Variants in CNTN5 observed in about 807,000 individuals in gnomAD.
CNTN5 encodes contactin 5.
A neutral mutation model predicts 129.1 loss-of-function variants in CNTN5; 77 were observed. The ratio of observed to expected loss-of-function variants is 0.60; its 90% CI spans 0.50 to 0.72. CNTN5 has a LOEUF of 0.72. CNTN5 is among the 30% of genes least tolerant of loss of function. The pLI, the probability that CNTN5 is intolerant of heterozygous loss-of-function variation, is 0.00. For synonymous variants in CNTN5, 509 were observed against 465.6 expected (o/e 1.09, Z -1.20); for missense variants, 1,478 against 1,328.8 (o/e 1.11, Z -1.75).
chr11:99,457,804 AT>A (rs939288825), intron 2 of CNTN5, among the ~76,000 whole-genome samples: 9 of 151,480 alleles, frequency 5.9e-5, no homozygotes, highest in African/African-American at 2.2e-4. Flanking sequence ...ACTTTTATGT[AT>A]TTTTTTTAAA....
intron 1 of CNTN5, among the ~76,000 whole-genome samples, chr11:99,227,188 G>C: frequency 6.6e-6 from 1 of 151,692 alleles, no homozygotes; most frequent in East Asian, 1.9e-4. Context: ...GTGAAACCCC[G>C]TCTGTACTAA....
intron 3 of CNTN5, among the ~76,000 whole-genome samples, chr11:99,666,594 T>A (rs1006104294): frequency 6.6e-6 from 1 of 152,204 alleles, no homozygotes; most frequent in Admixed American, 6.5e-5. Flanking sequence ...AGAAGGATGT[T>A]GACAAGCTCC....
At position 100,187,706 on chromosome 11, in the gene CNTN5, T is replaced by C. The variant is rs2138485847; in HGVS notation, c.1581-3420T>C. Among the ~76,000 whole-genome samples the C allele has an allele frequency of 2.0e-5, 3 of 152,222 alleles. No individual in the cohort carries two copies. The South Asian group carries it at 6.2e-4, about 32-fold the overall frequency. On this transcript the variant is annotated intron_variant, in intron 13 of 24. Coordinates refer to ENST00000524871, the MANE Select transcript of CNTN5 (RefSeq NM_014361.4). ...AATGAGGAAAGGACTTCTTGGTCAA[T>C]AAATGGTGTTGGGATCGCTGACAAG... is the stretch of plus-strand genomic sequence containing the variant.
intron 2 of CNTN5, among the ~76,000 whole-genome samples, chr11:99,399,639 G>T (rs34159492): frequency 0.24 from 36,249 of 151,252 alleles, 5,108 homozygotes; most frequent in Middle Eastern, 0.33. Flanking sequence ...GTGGAACAGT[G>T]GTGGAAATAT....
rs147915383 is a variant in CNTN5, at chr11:99,500,258, G to T, written c.-70-55887G>T. On this transcript the variant is annotated intron_variant, in intron 2 of 24. Transcript: ENST00000524871. ...CAAAATCCTGAGAGTTTGTTTATAT[G>T]CAGTGATAGTAACTCAAAGCATTTG... is the stretch of plus-strand genomic sequence containing the variant. 4.5e-4 allele frequency among the ~76,000 whole-genome samples: 68 copies of T among 152,222 alleles called. 2 individuals are homozygous for T. The East Asian group carries it at 0.011, about 25-fold the overall frequency.
intron 3 of CNTN5, among the ~76,000 whole-genome samples, chr11:99,731,760 G>A (rs1341481598): frequency 1.3e-5 from 2 of 152,100 alleles, no homozygotes; most frequent in African/African-American, 2.4e-5. Context: ...TAGAGTAGAT[G>A]CCTTAGAACT....
At chr11:99,686,102 T>C (rs553428201) in intron 3 of CNTN5, among the ~76,000 whole-genome samples, 1 of 152,064 alleles carries the variant, frequency 6.6e-6, no homozygotes, top group South Asian at 2.1e-4. Flanking sequence ...TGTGTATATA[T>C]ATATATGTGC....
intron 3 of CNTN5, among the ~76,000 whole-genome samples, chr11:99,804,316 C>G (rs2135491678): frequency 6.6e-6 from 1 of 152,140 alleles, no homozygotes; most frequent in Middle Eastern, 3.4e-3. Flanking sequence ...TTACTACTTA[C>G]AGAGAAAACC....
chr11:99,112,599 A>G (rs996851684), intron 1 of CNTN5, among the ~76,000 whole-genome samples: 1 of 152,056 alleles, frequency 6.6e-6, no homozygotes. Flanking sequence ...ACTCGCCTGA[A>G]AGCCTTAAAA....
intron 1 of CNTN5, among the ~76,000 whole-genome samples, chr11:99,210,888 A>G (rs1259379518): frequency 6.6e-6 from 1 of 152,170 alleles, no homozygotes; most frequent in Non-Finnish European, 1.5e-5. Flanking sequence ...ATGTATCCTA[A>G]AGTGTCTAGT....
intron 1 of CNTN5, among the ~76,000 whole-genome samples, chr11:99,103,619 T>C (rs1866847710): frequency 6.6e-6 from 1 of 152,152 alleles, no homozygotes; most frequent in Non-Finnish European, 1.5e-5. Context: ...CTTCAAAGGA[T>C]TTGTCCAAAT....
intron 2 of CNTN5, among the ~76,000 whole-genome samples, chr11:99,482,138 A>G (rs1265808160): frequency 2.0e-5 from 3 of 152,200 alleles, no homozygotes; most frequent in African/African-American, 7.2e-5. Context: ...TAATCTCCCT[A>G]TGAACTGAAC....
chr11:100,033,497 T>C (rs1941827112), intron 9 of CNTN5, among the ~76,000 whole-genome samples: 1 of 152,174 alleles, frequency 6.6e-6, no homozygotes, highest in Non-Finnish European at 1.5e-5. Flanking sequence ...ATCCATGATG[T>C]CTAATTTCTC....
intron 13 of CNTN5, among the ~76,000 whole-genome samples, chr11:100,163,363 G>T (rs1304020131): frequency 6.6e-6 from 1 of 151,634 alleles, no homozygotes; most frequent in Admixed American, 6.6e-5. Context: ...ACTCAGTACA[G>T]AGCATTCTCA....
intron 1 of CNTN5, among the ~76,000 whole-genome samples, chr11:99,132,912 AT>A (rs1231203296): frequency 6.6e-6 from 1 of 152,084 alleles, no homozygotes; most frequent in African/African-American, 2.4e-5. Flanking sequence ...CTATTTAAAA[AT>A]TTTTATGGAA....
chr11:99,911,680 T>C (rs1949662945), intron 6 of CNTN5, among the ~76,000 whole-genome samples: 1 of 151,588 alleles, frequency 6.6e-6, no homozygotes, highest in Non-Finnish European at 1.5e-5. Flanking sequence ...ATTTTTCAGG[T>C]GTTTGTGTGT....
rs189491235 is a variant in CNTN5 at position 99,686,555 on chromosome 11, T to C, written c.55+130286T>C. 2.6e-4 allele frequency among the ~76,000 whole-genome samples: 39 copies of C among 152,320 alleles called. No individual in the cohort carries two copies. In the East Asian group the frequency reaches 7.5e-3, roughly 29 times the overall value. The stretch of plus-strand genomic sequence containing the variant: ...ATGTTTTCCTAACCCACAAATGCTT[T>C]TGCAATGCCGTTATTTAAAGTTTTT... On this transcript the variant is annotated intron_variant, in intron 3 of 24. Transcript: ENST00000524871.
intron 13 of CNTN5, among the ~76,000 whole-genome samples, chr11:100,176,692 A>G (rs17094518): frequency 0.031 from 4,681 of 152,188 alleles, 241 homozygotes; most frequent in African/African-American, 0.11. Flanking sequence ...TCCAAATAGA[A>G]GTCTGAGCAA....
At chr11:100,048,111 A>G (rs910465829) in intron 9 of CNTN5, among the ~76,000 whole-genome samples, 12 of 152,136 alleles carry the variant, frequency 7.9e-5, no homozygotes, top group Admixed American at 7.2e-4. Flanking sequence ...AGCCTGGGTG[A>G]CAGAGCGAGA....
Sources: gnomAD v4.1 joint callset for allele counts (sites outside exome capture counted in the v4.1 genomes callset) on GRCh38, gnomAD v4.1.1 for gene constraint, MANE v1.5 for transcripts, NCBI Gene and HGNC (gene_info 2026-07-23, HGNC 2026-07-21) for gene names.